Variants in CFDP1 observed in about 807,000 individuals in gnomAD.
CFDP1 encodes heterochromatin-stabilizing protein CFDP1.
A neutral mutation model predicts 40.1 loss-of-function variants in CFDP1; 31 were observed. The observed-to-expected ratio is 0.77, with a 90% CI of 0.58 to 1.04. The LOEUF (loss-of-function observed/expected upper bound fraction) is 1.04, where lower values mean the gene tolerates loss of function less well. Ranked by LOEUF, CFDP1 falls within the 50% of genes least tolerant of loss-of-function variation. The probability of loss-of-function intolerance (pLI) is 0.00; values close to 1 mark genes in which losing one functional copy is unlikely to be tolerated. For missense variants in CFDP1, 423 were observed against 343.4 expected, an observed-to-expected ratio of 1.23 and a Z score of -1.83; for synonymous variants, 167 against 120.0, an observed-to-expected ratio of 1.39 and a Z score of -2.56.
At chr16:75,365,192 A>T (rs1216223302) in intron 5 of CFDP1, among the ~76,000 whole-genome samples, 1 of 152,228 alleles carries the variant, frequency 6.6e-6, no homozygotes, top group African/African-American at 2.4e-5. Context: ...TGATAACTGA[A>T]GTTGAATGGC....
At chr16:75,433,192 C>G in intron 1 of CFDP1, 97 bp downstream of exon 1, 1 of 1,227,740 alleles carries the variant, frequency 8.1e-7, no homozygotes, top group East Asian at 2.5e-5. Flanking sequence ...CCCTGGACCA[C>G]CTGGGCCACA....
intron 6 of CFDP1, among the ~76,000 whole-genome samples, chr16:75,298,488 C>G (rs2078199782): frequency 6.6e-6 from 1 of 152,200 alleles, no homozygotes; most frequent in African/African-American, 2.4e-5. Context: ...TCATGCTGCC[C>G]AGACAAAGCC....
At chr16:75,398,924 G>C (rs532649832) in intron 4 of CFDP1, among the ~76,000 whole-genome samples, 5 of 152,082 alleles carry the variant, frequency 3.3e-5, no homozygotes, top group Non-Finnish European at 5.9e-5. Context: ...AGGCATGGTG[G>C]CGGGCGCCTG....
intron 6 of CFDP1, among the ~76,000 whole-genome samples, chr16:75,302,170 G>A (rs1259721158): frequency 6.6e-6 from 1 of 152,214 alleles, no homozygotes; most frequent in Non-Finnish European, 1.5e-5. Context: ...TCACTAGGCA[G>A]ATGTTCTTTT....
chr16:75,334,723 C>T (rs72804161), intron 5 of CFDP1, among the ~76,000 whole-genome samples: 10,194 of 152,062 alleles, frequency 0.067, 369 homozygotes, highest in Middle Eastern at 0.13. Flanking sequence ...GGGAGGCTGA[C>T]GCAGGCGGAT....
intron 4 of CFDP1, among the ~76,000 whole-genome samples, chr16:75,400,151 G>C (rs536155772): frequency 2.0e-5 from 3 of 150,686 alleles, no homozygotes; most frequent in African/African-American, 7.3e-5. Context: ...GCATCATGGC[G>C]TGCACCTGTA....
At chr16:75,375,962 T>C (rs1567661825) in intron 5 of CFDP1, among the ~76,000 whole-genome samples, 1 of 152,210 alleles carries the variant, frequency 6.6e-6, no homozygotes, top group Non-Finnish European at 1.5e-5. Context: ...CCTATAATCC[T>C]TGCAGTTTGG....
chr16:75,351,254 A>G (rs1301081088), intron 5 of CFDP1, among the ~76,000 whole-genome samples: 1 of 152,206 alleles, frequency 6.6e-6, no homozygotes, highest in Non-Finnish European at 1.5e-5. Context: ...GCAAAACATA[A>G]TTATTTACTC....
At chr16:75,371,052 A>G (rs1289449156) in intron 5 of CFDP1, among the ~76,000 whole-genome samples, 1 of 152,206 alleles carries the variant, frequency 6.6e-6, no homozygotes, top group Non-Finnish European at 1.5e-5. Flanking sequence ...CCAGAATTGT[A>G]AAAAACAAAC....
In CFDP1 at chr16:75,349,698, T is replaced by C. The variant is rs7185985; in HGVS notation, c.651-44516A>G. On this transcript the variant is annotated intron_variant, in intron 5 of 6. Coordinates refer to ENST00000283882, the MANE Select transcript of CFDP1 (RefSeq NM_006324.3). ...AAAAAAAAAAAAAAAAAAATATATA[T>C]ACATACATATATACGGTTGATTTTT... 6.2e-3 allele frequency among the ~76,000 whole-genome samples: 297 copies of C among 47,876 alleles called. 78 individuals are homozygous for C. The highest frequency in any genetic ancestry group is 0.022 in the African/African-American group (198 of 9,166). 31.4% of individuals were successfully genotyped at this position (47,876 alleles called of 152,430 possible). A position where few individuals can be genotyped will look rare whatever the true frequency, so the allele number is the denominator to read the frequency against.
intron 4 of CFDP1, among the ~76,000 whole-genome samples, chr16:75,397,374 GT>G (rs1247810480): frequency 1.5e-4 from 22 of 151,084 alleles, no homozygotes; most frequent in Admixed American, 2.6e-4. Context: ...AGTTAACTGA[GT>G]GTGGTGGTGC....
chr16:75,413,622 C>T (rs574874873), intron 2 of CFDP1, among the ~76,000 whole-genome samples: 1 of 150,272 alleles, frequency 6.7e-6, no homozygotes, highest in East Asian at 1.9e-4. Flanking sequence ...GAGTATATTG[C>T]TTCTTAGACT....
At chr16:75,333,719 A>G (rs2078464854) in intron 5 of CFDP1, among the ~76,000 whole-genome samples, 1 of 152,210 alleles carries the variant, frequency 6.6e-6, no homozygotes, top group South Asian at 2.1e-4. Flanking sequence ...TCAAATGAGA[A>G]TTAGGAAGGG....
chr16:75,364,134 A>G (rs2078698091), intron 5 of CFDP1, among the ~76,000 whole-genome samples: 1 of 151,198 alleles, frequency 6.6e-6, no homozygotes, highest in Non-Finnish European at 1.5e-5. Flanking sequence ...ACAAAACAAA[A>G]CAAAACAAAC....
intron 1 of CFDP1, among the ~76,000 whole-genome samples, chr16:75,416,090 G>A (rs1240678427): frequency 6.6e-6 from 1 of 152,104 alleles, no homozygotes; most frequent in Non-Finnish European, 1.5e-5. Flanking sequence ...GACCTCAGGT[G>A]ATCCAGCCGC....
chr16:75,327,184 G>A (rs967271532), intron 5 of CFDP1, among the ~76,000 whole-genome samples: 4 of 152,100 alleles, frequency 2.6e-5, no homozygotes, highest in Admixed American at 6.6e-5. Context: ...GGAGAATAGC[G>A]TGAACCCGGG....
In CFDP1 at chr16:75,433,414, G is replaced by C. The variant is rs1214009456; in HGVS notation, c.-62C>G. ...CGCAGCAGCCGCCTCCAACGGCAAA[G>C]CTCTAGGGAGAGACCATAGAGCCCC... On this transcript the variant is annotated 5_prime_UTR_variant, in exon 1 of 7. Coordinates refer to ENST00000283882, the MANE Select transcript of CFDP1 (RefSeq NM_006324.3). 6 of 1,503,288 alleles carry C rather than the reference G, an allele frequency of 4.0e-6. No homozygotes were observed. The highest frequency in any genetic ancestry group is 5.4e-6 in the Non-Finnish European group (6 of 1,108,030). 93.1% of individuals were successfully genotyped at this position (1,503,288 alleles called of 1,614,324 possible). A position where few individuals can be genotyped will look rare whatever the true frequency, so the allele number is the denominator to read the frequency against.
intron 5 of CFDP1, among the ~76,000 whole-genome samples, chr16:75,320,719 T>C (rs144070882): frequency 0.015 from 2,263 of 152,266 alleles, 20 homozygotes; most frequent in Non-Finnish European, 0.024. Flanking sequence ...AGTGTGTTCA[T>C]TGTTCTCACT....
chr16:75,300,932 G>A (rs371285114), intron 6 of CFDP1, among the ~76,000 whole-genome samples: 2 of 152,286 alleles, frequency 1.3e-5, no homozygotes, highest in South Asian at 2.1e-4. Context: ...AAAAAAGCCA[G>A]CCAGGGATTC....
Sources: allele counts gnomAD v4.1 joint callset (sites outside exome capture counted in the v4.1 genomes callset), GRCh38; gene constraint gnomAD v4.1.1; transcripts MANE v1.5; gene names NCBI Gene and HGNC (gene_info 2026-07-23, HGNC 2026-07-21).